VPS53: variants seen among roughly 807,000 people sequenced by gnomAD.
VPS53 encodes vacuolar protein sorting-associated protein 53 homolog.
A neutral mutation model predicts 107.0 loss-of-function variants in VPS53; 70 were observed. That is an observed-to-expected ratio of 0.65 (90% CI 0.54 to 0.80). The LOEUF is 0.80. Ranked by LOEUF, VPS53 falls within the 30% of genes least tolerant of loss-of-function variation. The pLI is 0.00. For synonymous variants in VPS53, 409 were observed against 393.3 expected (o/e 1.04, Z -0.47); for missense variants, 917 against 1,049.4 (o/e 0.87, Z 1.74).
At chr17:672,895 G>A (rs1434382983) in intron 4 of VPS53, among the ~76,000 whole-genome samples, 3 of 152,108 alleles carry the variant, frequency 2.0e-5, no homozygotes, top group Non-Finnish European at 4.4e-5. Flanking sequence ...GGTGGATCAC[G>A]AGGTCAGGAG....
intron 1 of VPS53, among the ~76,000 whole-genome samples, chr17:711,517 TA>T (rs1322397285): frequency 6.6e-6 from 1 of 152,224 alleles, no homozygotes. Flanking sequence ...GCTGTTTCCA[TA>T]ATGCACATAT....
intron 13 of VPS53, among the ~76,000 whole-genome samples, chr17:573,185 G>A (rs1208053789): frequency 2.0e-5 from 3 of 152,336 alleles, no homozygotes; most frequent in South Asian, 4.1e-4. Flanking sequence ...TTCCCTGATG[G>A]AGAACGCCAT....
At chr17:586,876 C>T (rs1187112534) in intron 12 of VPS53, among the ~76,000 whole-genome samples, 1 of 152,156 alleles carries the variant, frequency 6.6e-6, no homozygotes, top group South Asian at 2.1e-4. Context: ...TAGACGTCTG[C>T]TTTTCTTAAA....
chr17:612,435 C>A (rs1240762760), intron 11 of VPS53, among the ~76,000 whole-genome samples: 1 of 136,430 alleles, frequency 7.3e-6, no homozygotes, highest in Non-Finnish European at 1.6e-5. Context: ...AAAACCTGTA[C>A]AAATATTCAC....
At chr17:629,624 G>A (rs1017799477) in intron 8 of VPS53, among the ~76,000 whole-genome samples, 11 of 151,854 alleles carry the variant, frequency 7.2e-5, no homozygotes, top group African/African-American at 9.7e-5. Flanking sequence ...TTAGCCAGGC[G>A]TGGTGGCGGG....
chr17:558,838 T>TA, intron 15 of VPS53, among the ~76,000 whole-genome samples: 1 of 122,460 alleles, frequency 8.2e-6, no homozygotes, highest in African/African-American at 3.3e-5. Context: ...AAAAAAAAAA[T>TA]ACAAAAATTA....
At chr17:591,042 G>C (rs1160473355) in intron 12 of VPS53, among the ~76,000 whole-genome samples, 1 of 151,944 alleles carries the variant, frequency 6.6e-6, no homozygotes, top group Non-Finnish European at 1.5e-5. Flanking sequence ...ATTGATTATT[G>C]CCACAATTTC....
Position 517,448 on chromosome 17 carries a change from C to G in VPS53, c.*1680G>C, listed in dbSNP as rs1226666420. On this transcript the variant is annotated 3_prime_UTR_variant, in exon 22 of 22. Coordinates refer to ENST00000437048, the MANE Select transcript of VPS53 (RefSeq NM_001128159.3). The stretch of plus-strand genomic sequence containing the variant: ...AGGTGGGGATGAGGAAATCAGGTTT[C>G]CAGGCAGATTTCCAAACCTTATTCC... The G allele has an allele frequency of 2.5e-6, 1 of 398,736 alleles. No homozygotes were observed. Among genetic ancestry groups the G allele is most frequent in the East Asian group, 3.6e-5 (1 of 28,082 alleles). The allele number at this position is 398,736 out of a possible 1,614,324, so 24.7% of individuals were successfully genotyped here.
intron 3 of VPS53, among the ~76,000 whole-genome samples, chr17:698,922 C>T (rs1378907651): frequency 2.0e-5 from 3 of 151,848 alleles, no homozygotes; most frequent in East Asian, 1.9e-4. Context: ...CATCCCAGCA[C>T]GTTGGGAGGC....
At chr17:698,923 G>A (rs112169410) in intron 3 of VPS53, among the ~76,000 whole-genome samples, 6 of 151,798 alleles carry the variant, frequency 4.0e-5, no homozygotes, top group African/African-American at 7.3e-5. Flanking sequence ...ATCCCAGCAC[G>A]TTGGGAGGCG....
intron 7 of VPS53, among the ~76,000 whole-genome samples, chr17:639,850 G>C (rs539655870): frequency 6.6e-6 from 1 of 150,610 alleles, no homozygotes; most frequent in East Asian, 1.9e-4. Context: ...GGGGGTCAGG[G>C]ACCCACTTGA....
chr17:577,071 T>A (rs573050716), intron 13 of VPS53, among the ~76,000 whole-genome samples: 84 of 140,826 alleles, frequency 6.0e-4, no homozygotes, highest in African/African-American at 2.1e-3. Flanking sequence ...TCAGAGAACC[T>A]AAAGCATTCC....
chr17:679,451 T>C (rs1350728666), intron 4 of VPS53, among the ~76,000 whole-genome samples: 2 of 151,904 alleles, frequency 1.3e-5, no homozygotes, highest in Admixed American at 1.3e-4. Context: ...GAGGCGGAGC[T>C]TGCAGTGAGC....
At chr17:589,736 T>G (rs1369623292) in intron 12 of VPS53, among the ~76,000 whole-genome samples, 1 of 152,178 alleles carries the variant, frequency 6.6e-6, no homozygotes, top group African/African-American at 2.4e-5. Flanking sequence ...TTGATCTATA[T>G]CTCTTGTTTT....
intron 17 of VPS53, among the ~76,000 whole-genome samples, chr17:547,026 G>A (rs1911266256): frequency 1.3e-5 from 2 of 151,782 alleles, no homozygotes; most frequent in African/African-American, 2.4e-5. Flanking sequence ...AGGCACGCAC[G>A]CTACCACACC....
At chr17:642,343 T>C (rs1472617413) in intron 7 of VPS53, among the ~76,000 whole-genome samples, 1 of 151,474 alleles carries the variant, frequency 6.6e-6, no homozygotes, top group Non-Finnish European at 1.5e-5. Context: ...ACACTCATAC[T>C]TGGAAAGCGA....
chr17:634,172 G>A (rs1970087888), intron 7 of VPS53, among the ~76,000 whole-genome samples: 1 of 151,170 alleles, frequency 6.6e-6, no homozygotes, highest in African/African-American at 2.5e-5. Flanking sequence ...TGGTGACTCT[G>A]GAACTGAGGT....
intron 2 of VPS53, among the ~76,000 whole-genome samples, chr17:707,732 G>C (rs1973468440): frequency 6.6e-6 from 1 of 151,500 alleles, no homozygotes; most frequent in African/African-American, 2.4e-5. Flanking sequence ...TGCGCCTGTA[G>C]TCGCAGCTAC....
At chr17:536,248 T>G (rs1469774441) in intron 18 of VPS53, among the ~76,000 whole-genome samples, 1 of 152,062 alleles carries the variant, frequency 6.6e-6, no homozygotes, top group Non-Finnish European at 1.5e-5. Context: ...GCATCCCAAT[T>G]TCTAGTGCCT....
Sources: gnomAD v4.1 joint callset for allele counts (sites outside exome capture counted in the v4.1 genomes callset) on GRCh38, gnomAD v4.1.1 for gene constraint, MANE v1.5 for transcripts, NCBI Gene and HGNC (gene_info 2026-07-23, HGNC 2026-07-21) for gene names.